Variants in MCPH1 observed in about 807,000 individuals in gnomAD.
MCPH1 encodes the protein microcephalin.
In MCPH1, 104 loss-of-function variants were observed where a neutral mutation model predicts 84.5. The observed-to-expected ratio is 1.23, with a 90% CI of 1.05 to 1.45. The LOEUF (loss-of-function observed/expected upper bound fraction) is 1.45, where lower values mean the gene tolerates loss of function less well. Among genes scored for constraint, MCPH1 ranks in the 40% most tolerant of loss-of-function variants. The probability of loss-of-function intolerance (pLI) is 0.00; values close to 1 mark genes in which losing one functional copy is unlikely to be tolerated. For missense variants in MCPH1, 1,498 were observed against 1,005.7 expected, an observed-to-expected ratio of 1.49 and a Z score of -6.62; for synonymous variants, 514 against 366.8, an observed-to-expected ratio of 1.40 and a Z score of -4.58.
intron 12 of MCPH1, among the ~76,000 whole-genome samples, chr8:6,543,998 T>A (rs1309330776): frequency 6.6e-6 from 1 of 152,232 alleles, no homozygotes; most frequent in Non-Finnish European, 1.5e-5. Flanking sequence ...TTTAACCTTG[T>A]TTTAGATCTG....
intron 12 of MCPH1, among the ~76,000 whole-genome samples, chr8:6,522,873 T>C (rs1234276314): frequency 6.6e-6 from 1 of 152,202 alleles, no homozygotes; most frequent in Non-Finnish European, 1.5e-5. Context: ...CCCAGAACTT[T>C]CTGACTCTGA....
At chr8:6,458,299 C>T (rs1309615098) in intron 9 of MCPH1, among the ~76,000 whole-genome samples, 1 of 151,838 alleles carries the variant, frequency 6.6e-6, no homozygotes, top group Non-Finnish European at 1.5e-5. Flanking sequence ...GGTGAAACCC[C>T]GTCTCTACTA....
chr8:6,505,297 A>ATTCTTTC (rs1563305797), intron 12 of MCPH1, among the ~76,000 whole-genome samples: 3 of 74,280 alleles, frequency 4.0e-5, no homozygotes, highest in East Asian at 5.3e-4. Context: ...TTATATACAT[A>ATTCTTTC]TATATGTATA....
At chr8:6,532,425 T>C in intron 12 of MCPH1, 1 of 1,614,168 alleles carries the variant, frequency 6.2e-7, no homozygotes, top group South Asian at 1.1e-5. Context: ...TCTGGTTCTG[T>C]ACTGCATTCT....
chr8:6,474,643 G>A (rs897301502), intron 9 of MCPH1, among the ~76,000 whole-genome samples: 2 of 152,124 alleles, frequency 1.3e-5, no homozygotes, highest in Non-Finnish European at 1.5e-5. Flanking sequence ...TACGAGTAAC[G>A]TTCACTTATT....
At chr8:6,547,885 A>ATT (rs78972556) in intron 12 of MCPH1, among the ~76,000 whole-genome samples, 2 of 119,084 alleles carry the variant, frequency 1.7e-5, no homozygotes. Context: ...TCTTACCCCC[A>ATT]TTTTTTTTTT....
At chr8:6,430,745 G>A (rs1045168514) in intron 3 of MCPH1, among the ~76,000 whole-genome samples, 1 of 152,178 alleles carries the variant, frequency 6.6e-6, no homozygotes, top group Non-Finnish European at 1.5e-5. Flanking sequence ...GTGAGAATAT[G>A]CTCTAAACAT....
chr8:6,457,509 G>A (rs1805826357), intron 9 of MCPH1, among the ~76,000 whole-genome samples: 1 of 151,732 alleles, frequency 6.6e-6, no homozygotes, highest in African/African-American at 2.4e-5. Flanking sequence ...AGAGACTGAG[G>A]TGGGAGAATC....
intron 2 of MCPH1, among the ~76,000 whole-genome samples, chr8:6,410,902 C>T (rs1798445830): frequency 6.6e-6 from 1 of 151,904 alleles, no homozygotes; most frequent in Admixed American, 6.6e-5. Flanking sequence ...CCAGCCTGGC[C>T]AACATAGTGA....
At chr8:6,588,220 G>T (rs1165727942) in intron 12 of MCPH1, among the ~76,000 whole-genome samples, 6 of 152,194 alleles carry the variant, frequency 3.9e-5, no homozygotes, top group African/African-American at 1.2e-4. Context: ...AGTCCAGGAA[G>T]GGAATAGCAG....
chr8:6,536,089 A>T (rs914192052), intron 12 of MCPH1, among the ~76,000 whole-genome samples: 2 of 152,028 alleles, frequency 1.3e-5, no homozygotes, highest in African/African-American at 4.8e-5. Flanking sequence ...TAAAAGTAAA[A>T]ATACTTATGT....
At chr8:6,616,851 T>C (rs376185859) in intron 12 of MCPH1, 3 of 152,200 alleles carry the variant, frequency 2.0e-5, no homozygotes, top group Non-Finnish European at 2.9e-5. Context: ...CTTAATCCCC[T>C]CTTCTTTCAT....
At chr8:6,453,932 A>T (rs998766404) in intron 8 of MCPH1, among the ~76,000 whole-genome samples, 2 of 152,090 alleles carry the variant, frequency 1.3e-5, no homozygotes, top group African/African-American at 4.8e-5. Context: ...TGGACCTTAA[A>T]ATCTGTCCAG....
chr8:6,521,377 G>C, intron 12 of MCPH1: 1 of 1,613,340 alleles, frequency 6.2e-7, no homozygotes, highest in Non-Finnish European at 8.5e-7. Context: ...TGATGTGCTT[G>C]TCTTCCATAG....
At chr8:6,609,786 G>C (rs1195464132) in intron 12 of MCPH1, among the ~76,000 whole-genome samples, 1 of 145,170 alleles carries the variant, frequency 6.9e-6, no homozygotes, top group South Asian at 2.3e-4. Context: ...TTTTATTTTT[G>C]CCGGGAATCT....
At chr8:6,617,756 A>G (rs2129580210) in intron 12 of MCPH1, among the ~76,000 whole-genome samples, 1 of 152,246 alleles carries the variant, frequency 6.6e-6, no homozygotes, top group Non-Finnish European at 1.5e-5. Flanking sequence ...AGTTCACTGC[A>G]GCCTCAACTT....
chr8:6,481,849 C>A (rs573507846), intron 11 of MCPH1, among the ~76,000 whole-genome samples: 1 of 152,284 alleles, frequency 6.6e-6, no homozygotes, highest in African/African-American at 2.4e-5. Context: ...GACAGTAGTG[C>A]CCCTCTCATC....
chr8:6,486,502 G>C (rs1450149770), intron 11 of MCPH1, among the ~76,000 whole-genome samples: 1 of 152,184 alleles, frequency 6.6e-6, no homozygotes, highest in Non-Finnish European at 1.5e-5. Flanking sequence ...TTCAGAATTA[G>C]ATGGTTGTAT....
At chr8:6,420,064 G>A (rs73516731) in intron 3 of MCPH1, among the ~76,000 whole-genome samples, 4,605 of 151,648 alleles carry the variant, frequency 0.03, 201 homozygotes, top group East Asian at 0.18. Flanking sequence ...AGGGAGGAGG[G>A]AGGGGCTCGT....
Sources: allele counts gnomAD v4.1 joint callset (sites outside exome capture counted in the v4.1 genomes callset), GRCh38; gene constraint gnomAD v4.1.1; transcripts MANE v1.5; gene names NCBI Gene and HGNC (gene_info 2026-07-23, HGNC 2026-07-21).